PPM1H: variants seen among roughly 807,000 people sequenced by gnomAD.
PPM1H encodes the protein protein phosphatase, Mg2+/Mn2+ dependent 1H.
In PPM1H, 27 loss-of-function variants were observed where a neutral mutation model predicts 54.9. The ratio of observed to expected loss-of-function variants is 0.49; its 90% CI spans 0.36 to 0.68. The LOEUF is 0.68. PPM1H is among the 30% of genes least tolerant of loss of function. PPM1H has a pLI of 0.00. For synonymous variants in PPM1H, 305 were observed against 270.8 expected (o/e 1.13, Z -1.24); for missense variants, 596 against 667.8 (o/e 0.89, Z 1.19).
chr12:62,859,281 G>A (rs931478102), intron 1 of PPM1H, among the ~76,000 whole-genome samples: 1 of 152,116 alleles, frequency 6.6e-6, no homozygotes, highest in Non-Finnish European at 1.5e-5. Context: ...AAAAAGCAAG[G>A]TCAGATCTCA....
At chr12:62,854,622 C>T (rs1473382064) in intron 1 of PPM1H, among the ~76,000 whole-genome samples, 1 of 152,056 alleles carries the variant, frequency 6.6e-6, no homozygotes, top group East Asian at 1.9e-4. Context: ...TACTGTAGGG[C>T]CTCAAAAATG....
chr12:62,705,766 T>C (rs2076169728), intron 6 of PPM1H, among the ~76,000 whole-genome samples: 1 of 152,226 alleles, frequency 6.6e-6, no homozygotes, highest in African/African-American at 2.4e-5. Flanking sequence ...TGATTTCAGC[T>C]TTCTCAGAGA....
At chr12:62,793,740 CAAAAAAAAAAAAA>C (rs34457644) in intron 3 of PPM1H, among the ~76,000 whole-genome samples, 5 of 61,200 alleles carry the variant, frequency 8.2e-5, no homozygotes, top group East Asian at 4.8e-4. Flanking sequence ...AACTCCGTTT[CAAAAAAAAAAAAA>C]AAAAAAAAAG....
Position 62,844,563 on chromosome 12 carries a change from T to C in PPM1H, c.246-12284A>G, listed in dbSNP as rs1290155477. Among the ~76,000 whole-genome samples the C allele has an allele frequency of 1.3e-5, 2 of 152,228 alleles. No homozygotes were observed. The highest frequency in any genetic ancestry group is 2.4e-5 in the African/African-American group (1 of 41,456). ...CACACTTTGAAGGAGACAAATGCGC[T>C]GAATGTAAGCGATTTTAAATTAGAT... On this transcript the variant is annotated intron_variant, in intron 1 of 9. Coordinates refer to ENST00000228705, the MANE Select transcript of PPM1H (RefSeq NM_020700.2). The surrounding 1 kb of genome is among the most constrained non-coding windows in gnomAD (Gnocchi z 5.2).
Position 62,689,048 on chromosome 12 carries a change from C to T in PPM1H, c.1245+651G>A, listed in dbSNP as rs140071791. 2.6e-3 allele frequency among the ~76,000 whole-genome samples: 397 copies of T among 152,218 alleles called. 1 individual carries two copies. The highest frequency in any genetic ancestry group is 9.0e-3 in the African/African-American group (374 of 41,530). ...TGACCGAAGGCAGACAGTGAAAACA[C>T]TGTACGTGGAAGGTGCTCTATGTAT... On this transcript the variant is annotated intron_variant, in intron 8 of 9. Transcript: ENST00000228705.
At chr12:62,668,445 A>C (rs1181650870) in intron 8 of PPM1H, among the ~76,000 whole-genome samples, 2 of 152,140 alleles carry the variant, frequency 1.3e-5, no homozygotes, top group African/African-American at 4.8e-5. Flanking sequence ...GCGTGATCTC[A>C]GCTCACTGCA....
chr12:62,656,837 T>C (rs2075846907), intron 9 of PPM1H, among the ~76,000 whole-genome samples: 1 of 152,036 alleles, frequency 6.6e-6, no homozygotes, highest in African/African-American at 2.4e-5. Flanking sequence ...TCTATGGCAG[T>C]GGCGTCTTGG....
chr12:62,706,794 T>C (rs993989897), intron 6 of PPM1H, among the ~76,000 whole-genome samples: 6 of 152,182 alleles, frequency 3.9e-5, no homozygotes, highest in African/African-American at 1.4e-4. Flanking sequence ...CAAAAGAATG[T>C]TTAATTATTA....
chr12:62,743,251 G>T (rs1300795780), intron 4 of PPM1H, among the ~76,000 whole-genome samples: 1 of 152,222 alleles, frequency 6.6e-6, no homozygotes, highest in Non-Finnish European at 1.5e-5. Flanking sequence ...TACTTGGGAG[G>T]CTGAGGCAGG....
chr12:62,728,889 A>G (rs76158695), intron 5 of PPM1H, among the ~76,000 whole-genome samples: 1,957 of 152,306 alleles, frequency 0.013, 41 homozygotes, highest in African/African-American at 0.045. Flanking sequence ...AGGTTACTCA[A>G]AATTGCTTGC....
chr12:62,668,699 C>G (rs981404601), intron 8 of PPM1H, among the ~76,000 whole-genome samples: 3 of 152,142 alleles, frequency 2.0e-5, no homozygotes, highest in African/African-American at 7.2e-5. Context: ...TTTCTAAATG[C>G]AAGTCTGAGT....
At chr12:62,745,807 A>G (rs2076407104) in intron 4 of PPM1H, among the ~76,000 whole-genome samples, 1 of 142,886 alleles carries the variant, frequency 7.0e-6, no homozygotes, top group South Asian at 2.3e-4. Context: ...AAAGTATAAG[A>G]AGAGGTTCCA....
chr12:62,854,759 G>A (rs1475112293), intron 1 of PPM1H, among the ~76,000 whole-genome samples: 2 of 151,894 alleles, frequency 1.3e-5, no homozygotes, highest in East Asian at 3.9e-4. Flanking sequence ...TCATTTTGTA[G>A]CCATCAGAAA....
intron 4 of PPM1H, among the ~76,000 whole-genome samples, chr12:62,764,210 A>G (rs2076527881): frequency 6.6e-6 from 1 of 152,144 alleles, no homozygotes; most frequent in African/African-American, 2.4e-5. Context: ...GCACCCAGAG[A>G]GACCACAGAC....
chr12:62,687,735 G>A (rs969101524), intron 8 of PPM1H, among the ~76,000 whole-genome samples: 6 of 152,202 alleles, frequency 3.9e-5, no homozygotes, highest in Non-Finnish European at 5.9e-5. Flanking sequence ...CAGGCAAGCC[G>A]CAGTGGCTGA....
rs2076451420 is a variant in PPM1H, at chr12:62,753,168, TA to T, written c.870-15583del. ...AAAGCCGAGAACTGAACTAACATAT[TA>T]AGTGAAAACACAGAAAAATAGGTCT... On this transcript the variant is annotated intron_variant, in intron 4 of 9. Coordinates refer to ENST00000228705, the MANE Select transcript of PPM1H (RefSeq NM_020700.2). Among the ~76,000 whole-genome samples the T allele has an allele frequency of 2.6e-5, 4 of 152,212 alleles. No homozygotes were observed. The South Asian group carries it at 8.3e-4, about 32-fold the overall frequency.
chr12:62,747,125 A>T (rs993984200), intron 4 of PPM1H, among the ~76,000 whole-genome samples: 3 of 131,352 alleles, frequency 2.3e-5, no homozygotes, highest in African/African-American at 9.3e-5. Flanking sequence ...TTAATTTTTT[A>T]AAAAAGGTTT....
At chr12:62,775,802 T>G (rs1460451847) in intron 4 of PPM1H, among the ~76,000 whole-genome samples, 2 of 152,182 alleles carry the variant, frequency 1.3e-5, no homozygotes, top group African/African-American at 4.8e-5. Flanking sequence ...TTTGGTCCAT[T>G]TCTATCTGGT....
At position 62,737,597 on chromosome 12, in the gene PPM1H, G is replaced by A; in HGVS notation, c.870-11C>T. The A allele has an allele frequency of 6.6e-7, 1 of 1,524,788 alleles. No individual in the cohort carries two copies. Among genetic ancestry groups the A allele is most frequent in the Non-Finnish European group, 8.9e-7 (1 of 1,119,584 alleles). The allele number at this position is 1,524,788 out of a possible 1,614,324, so 94.5% of individuals were successfully genotyped here. A position where few individuals can be genotyped will look rare whatever the true frequency, so the allele number is the denominator to read the frequency against. On this transcript the variant is annotated splice_polypyrimidine_tract_variant and intron_variant, in intron 4 of 9. Transcript: ENST00000228705. ...CTGATGATTATGGCCCTGAAATGGT[G>A]AAAATGCATTGTCAGTAGCCAATCT...
Sources: gnomAD v4.1 joint callset for allele counts (sites outside exome capture counted in the v4.1 genomes callset) on GRCh38, gnomAD v4.1.1 for gene constraint, Gnocchi (gnomAD v3.1) non-coding constraint, MANE v1.5 for transcripts, NCBI Gene and HGNC (gene_info 2026-07-23, HGNC 2026-07-21) for gene names.